RAP1GAP2: variants seen among roughly 807,000 people sequenced by gnomAD.
The protein encoded by RAP1GAP2 is rap1 GTPase-activating protein 2.
In RAP1GAP2, 27 loss-of-function variants were observed where a neutral mutation model predicts 95.0. That is an observed-to-expected ratio of 0.28 (90% CI 0.21 to 0.39). RAP1GAP2 has a LOEUF of 0.39. Ranked by LOEUF, RAP1GAP2 falls within the 10% of genes least tolerant of loss-of-function variation. The pLI is 1.00. For synonymous variants in RAP1GAP2, 373 were observed against 380.9 expected, an observed-to-expected ratio of 0.98 and a Z score of 0.24; for missense variants, 771 against 970.0, an observed-to-expected ratio of 0.79 and a Z score of 2.72.
chr17:2,781,676 CTGTG>C (rs769259820), intron 1 of RAP1GAP2, among the ~76,000 whole-genome samples: 85 of 148,876 alleles, frequency 5.7e-4, no homozygotes, highest in Middle Eastern at 3.7e-3. Context: ...GGGCACGTCT[CTGTG>C]TGTGCAGGTC....
chr17:2,947,014 C>G (rs2043721755), intron 3 of RAP1GAP2, among the ~76,000 whole-genome samples: 1 of 152,186 alleles, frequency 6.6e-6, no homozygotes, highest in Non-Finnish European at 1.5e-5. Flanking sequence ...CTTGGCCTCC[C>G]AAAGTGTTGG....
chr17:2,842,697 G>T (rs1461963234), intron 2 of RAP1GAP2, among the ~76,000 whole-genome samples: 3 of 152,056 alleles, frequency 2.0e-5, no homozygotes, highest in Non-Finnish European at 4.4e-5. Flanking sequence ...TTGGCAGGCT[G>T]GTGGTGTGAG....
intron 17 of RAP1GAP2, 114 bp from the exon 18 acceptor site, chr17:3,017,947 G>GTGTA (rs1555601577): frequency 2.0e-4 from 184 of 906,924 alleles, no homozygotes; most frequent in Middle Eastern, 5.6e-4. Flanking sequence ...GTGTGTGTGT[G>GTGTA]TATGTGTGCA....
At chr17:3,023,677 G>A (rs1021729686) in intron 19 of RAP1GAP2, among the ~76,000 whole-genome samples, 3 of 152,166 alleles carry the variant, frequency 2.0e-5, no homozygotes, top group Admixed American at 1.3e-4. Flanking sequence ...TGGAATATAA[G>A]TGCAGAATGT....
chr17:2,758,130 A>G (rs981398885), intron 1 of RAP1GAP2, among the ~76,000 whole-genome samples: 19 of 150,122 alleles, frequency 1.3e-4, no homozygotes, highest in African/African-American at 4.2e-4. Context: ...TGGCCTCTCA[A>G]AGTGCTGGGA....
chr17:2,955,432 A>G (rs527501251), intron 3 of RAP1GAP2, among the ~76,000 whole-genome samples: 14 of 152,188 alleles, frequency 9.2e-5, no homozygotes, highest in Admixed American at 7.2e-4. Flanking sequence ...TTCTTTGGGT[A>G]TATGTGTATT....
intron 3 of RAP1GAP2, among the ~76,000 whole-genome samples, chr17:2,924,506 G>T (rs2042891382): frequency 6.6e-6 from 1 of 151,982 alleles, no homozygotes; most frequent in African/African-American, 2.4e-5. Flanking sequence ...GTCATCTGCT[G>T]TAGAGGAGGA....
At chr17:2,821,166 C>CAGAA (rs1453847705) in intron 2 of RAP1GAP2, among the ~76,000 whole-genome samples, 2 of 152,052 alleles carry the variant, frequency 1.3e-5, no homozygotes, top group Non-Finnish European at 2.9e-5. Flanking sequence ...CAGGGATGCG[C>CAGAA]TTCTCTTCAC....
intron 3 of RAP1GAP2, among the ~76,000 whole-genome samples, chr17:2,926,125 CAAAAA>C (rs990593437): frequency 1.7e-5 from 1 of 59,638 alleles, no homozygotes; most frequent in Non-Finnish European, 3.8e-5. Context: ...GCCTCTGTCT[CAAAAA>C]AAAAAAAAAA....
At chr17:2,768,775 C>A (rs1440415384) in intron 1 of RAP1GAP2, among the ~76,000 whole-genome samples, 2 of 151,168 alleles carry the variant, frequency 1.3e-5, no homozygotes, top group South Asian at 4.2e-4. Flanking sequence ...GGAGGGAGAT[C>A]ACCTTCATTT....
chr17:2,992,382 G>A (rs1252257745), intron 12 of RAP1GAP2, among the ~76,000 whole-genome samples: 10 of 151,652 alleles, frequency 6.6e-5, no homozygotes, highest in Admixed American at 5.9e-4. Context: ...GGATGGTCTC[G>A]ATCTCCTGAC....
In RAP1GAP2 at chr17:2,991,036, G is replaced by C. The variant is rs149013528; in HGVS notation, c.814-261G>C. Among the ~76,000 whole-genome samples the C allele has an allele frequency of 3.5e-3, 533 of 151,928 alleles. 2 individuals are homozygous for C. The highest frequency in any genetic ancestry group is 0.012 in the African/African-American group (496 of 41,442). On this transcript the variant is annotated intron_variant, in intron 11 of 24. Coordinates refer to ENST00000254695, the MANE Select transcript of RAP1GAP2 (RefSeq NM_015085.5). ...CTTTTTGTATTTTTAGTAGAGACAAGGTTTCACCATGTTGGCCAGGCTGGT... is the reference window on the plus strand; with the variant it reads ...CTTTTTGTATTTTTAGTAGAGACAACGTTTCACCATGTTGGCCAGGCTGGT...
intron 8 of RAP1GAP2, among the ~76,000 whole-genome samples, chr17:2,979,537 G>C (rs1394059922): frequency 1.4e-5 from 2 of 143,214 alleles, no homozygotes; most frequent in African/African-American, 5.3e-5. Flanking sequence ...CACAATCTCG[G>C]CTCACTGCAA....
At chr17:2,828,801 C>T (rs556580806) in intron 2 of RAP1GAP2, among the ~76,000 whole-genome samples, 8 of 152,164 alleles carry the variant, frequency 5.3e-5, no homozygotes, top group Non-Finnish European at 7.4e-5. Flanking sequence ...CCTTCCCCAA[C>T]GGGTCTTGCT....
intron 3 of RAP1GAP2, among the ~76,000 whole-genome samples, chr17:2,911,374 G>C (rs1185804419): frequency 6.6e-6 from 1 of 151,942 alleles, no homozygotes; most frequent in African/African-American, 2.4e-5. Context: ...GGTGCCGGGT[G>C]GGCTGGGAGA....
intron 3 of RAP1GAP2, among the ~76,000 whole-genome samples, chr17:2,950,682 C>T (rs549019840): frequency 6.8e-6 from 1 of 148,114 alleles, no homozygotes; most frequent in African/African-American, 2.5e-5. Flanking sequence ...GTGATCTCAG[C>T]TCACTGCAAC....
At chr17:2,806,512 C>T (rs1286117189) in intron 2 of RAP1GAP2, among the ~76,000 whole-genome samples, 1 of 149,744 alleles carries the variant, frequency 6.7e-6, no homozygotes, top group African/African-American at 2.5e-5. Context: ...CCTGCCTCAG[C>T]CTCCCGAGTA....
At chr17:2,900,330 C>T (rs1339721045) in intron 2 of RAP1GAP2, among the ~76,000 whole-genome samples, 1 of 152,206 alleles carries the variant, frequency 6.6e-6, no homozygotes, top group Non-Finnish European at 1.5e-5. Context: ...CTTCTGTCTC[C>T]ACTTGGAGAC....
chr17:2,822,156 G>A (rs562875374), intron 2 of RAP1GAP2, among the ~76,000 whole-genome samples: 29 of 152,220 alleles, frequency 1.9e-4, no homozygotes, highest in Middle Eastern at 3.4e-3. Flanking sequence ...ATAATATGTC[G>A]TGGGTCCTGG....
Sources: gnomAD v4.1 joint callset for allele counts (sites outside exome capture counted in the v4.1 genomes callset) on GRCh38, gnomAD v4.1.1 for gene constraint, MANE v1.5 for transcripts, NCBI Gene and HGNC (gene_info 2026-07-23, HGNC 2026-07-21) for gene names.